Variants in LPCAT1 observed in about 807,000 individuals in gnomAD.
LPCAT1 encodes the protein 1-acylglycerol-3-phosphate O-acyltransferase.
In LPCAT1, 23 loss-of-function variants were observed where a neutral mutation model predicts 60.9. The ratio of observed to expected loss-of-function variants is 0.38; its 90% CI spans 0.27 to 0.53. The LOEUF is 0.53. Ranked by LOEUF, LPCAT1 falls within the 20% of genes least tolerant of loss-of-function variation. LPCAT1 has a pLI of 0.82. For synonymous variants in LPCAT1, 340 were observed against 301.1 expected (o/e 1.13, Z -1.34); for missense variants, 622 against 723.6 (o/e 0.86, Z 1.61).
At chr5:1,501,437 G>A (rs1320960553) in intron 2 of LPCAT1, 24 bp downstream of exon 2, 1 of 1,592,488 alleles carries the variant, frequency 6.3e-7, no homozygotes, top group Non-Finnish European at 8.5e-7. Flanking sequence ...CCCAGGAGGA[G>A]AGCACGGCAC....
chr5:1,514,885 G>A (rs1736458975), intron 1 of LPCAT1, among the ~76,000 whole-genome samples: 4 of 152,208 alleles, frequency 2.6e-5, no homozygotes, highest in African/African-American at 9.7e-5. Flanking sequence ...AGGCCCTCCG[G>A]AGCTGTGGCC....
intron 10 of LPCAT1, among the ~76,000 whole-genome samples, 173 bp downstream of exon 10, chr5:1,474,387 C>T (rs1734813024): frequency 6.6e-6 from 1 of 152,178 alleles, no homozygotes; most frequent in African/African-American, 2.4e-5. Flanking sequence ...CAGCTGATGC[C>T]AGCATTAAGG....
intron 6 of LPCAT1, among the ~76,000 whole-genome samples, chr5:1,482,548 A>T: frequency 5.2e-5 from 1 of 19,404 alleles, no homozygotes; most frequent in Non-Finnish European, 8.9e-5. Context: ...GAGCCAGGGC[A>T]GGGTGGGGTG....
rs1288604353 is a variant in LPCAT1 at position 1,483,492 on chromosome 5, G to A, written c.668-6C>T. 6.2e-6 allele frequency: 10 copies of A among 1,613,710 alleles called. No individual in the cohort carries two copies. The highest frequency in any genetic ancestry group is 4.4e-5 in the South Asian group (4 of 91,090). On this transcript the variant is annotated splice_polypyrimidine_tract_variant and splice_region_variant and intron_variant, in intron 5 of 13. Transcript: ENST00000283415. The surrounding 1 kb of genome is among the most constrained non-coding windows in gnomAD (Gnocchi z 9.2). ...CGCTCCAGGGATGAATGCACCTGCCGAGAAAGGAACAGCGGTGTTGCCCAT... is the reference window on the plus strand; with the variant it reads ...CGCTCCAGGGATGAATGCACCTGCCAAGAAAGGAACAGCGGTGTTGCCCAT...
intron 2 of LPCAT1, 79 bp downstream of exon 2, chr5:1,501,382 C>A: frequency 1.3e-6 from 2 of 1,509,662 alleles, no homozygotes; most frequent in South Asian, 1.2e-5. Context: ...GACACACAAC[C>A]CCACTGTGAG....
rs116088770 is a variant in LPCAT1, at chr5:1,515,894, G to A, written c.135+7816C>T. On this transcript the variant is annotated intron_variant, in intron 1 of 13. Coordinates refer to ENST00000283415, the MANE Select transcript of LPCAT1 (RefSeq NM_024830.5). ...GGAGACCCTCCACCCAGGACATCCTGCTTCCCCCAGCTGCAGGGAGCCCCT... is the reference window on the plus strand; with the variant it reads ...GGAGACCCTCCACCCAGGACATCCTACTTCCCCCAGCTGCAGGGAGCCCCT... Among the ~76,000 whole-genome samples, 623 of 152,072 alleles carry A rather than the reference G, an allele frequency of 4.1e-3. 5 individuals are homozygous for A. Among genetic ancestry groups the A allele is most frequent in the African/African-American group, 0.014 (572 of 41,470 alleles).
At chr5:1,513,408 A>G (rs1736413584) in intron 1 of LPCAT1, among the ~76,000 whole-genome samples, 1 of 152,154 alleles carries the variant, frequency 6.6e-6, no homozygotes, top group African/African-American at 2.4e-5. Flanking sequence ...GGTGACCCCG[A>G]GGGCTCAGCT....
At chr5:1,478,445 C>CT (rs1275999609) in intron 8 of LPCAT1, among the ~76,000 whole-genome samples, 1 of 152,276 alleles carries the variant, frequency 6.6e-6, no homozygotes, top group African/African-American at 2.4e-5. Flanking sequence ...CTTTTCAACT[C>CT]TTAAAATTAG....
chr5:1,493,182 GC>G (rs1253511743), intron 3 of LPCAT1, among the ~76,000 whole-genome samples: 1 of 152,204 alleles, frequency 6.6e-6, no homozygotes, highest in East Asian at 1.9e-4. Flanking sequence ...AGTGCAGTGA[GC>G]CCTCCAGTCC....
chr5:1,489,624 C>G lies in LPCAT1; in HGVS notation c.606+122G>C. 4 of 809,408 alleles carry G rather than the reference C, an allele frequency of 4.9e-6. No homozygotes were observed. The South Asian group carries it at 5.4e-5, about 11-fold the overall frequency. The allele number at this position is 809,408 out of a possible 1,614,324, so 50.1% of individuals were successfully genotyped here. ...GCACCCTCCTGAGTTCACGCACTCA[C>G]TAGGAGAAGAGAATCAGAATCCAGC... On this transcript the variant is annotated intron_variant, in intron 4 of 13. Coordinates refer to ENST00000283415, the MANE Select transcript of LPCAT1 (RefSeq NM_024830.5).
In LPCAT1 at chr5:1,481,753, G is replaced by A. The variant is rs1421891263; in HGVS notation, c.727-777C>T. Among the ~76,000 whole-genome samples the A allele has an allele frequency of 6.6e-6, 1 of 152,266 alleles. No individual in the cohort carries two copies. The highest frequency in any genetic ancestry group is 2.4e-5 in the African/African-American group (1 of 41,472). On this transcript the variant is annotated intron_variant, in intron 6 of 13. Coordinates refer to ENST00000283415, the MANE Select transcript of LPCAT1 (RefSeq NM_024830.5). The surrounding 1 kb of genome is among the most constrained non-coding windows in gnomAD (Gnocchi z 7.8). Reference sequence around the variant, plus strand: ...TGCACTGGGGCATGGTTTCCGCAGCGGAGGCAGGAAGGGGCCCTTGGCCAG... The same window carrying A: ...TGCACTGGGGCATGGTTTCCGCAGCAGAGGCAGGAAGGGGCCCTTGGCCAG...
intron 13 of LPCAT1, among the ~76,000 whole-genome samples, chr5:1,465,007 GCA>G (rs200158307): frequency 0.01 from 1,447 of 139,046 alleles, 28 homozygotes; most frequent in African/African-American, 0.038. Context: ...ACAATAACAT[GCA>G]CACACACAAA....
intron 5 of LPCAT1, among the ~76,000 whole-genome samples, chr5:1,484,950 G>A (rs1007157255): frequency 6.6e-5 from 10 of 152,296 alleles, no homozygotes; most frequent in East Asian, 5.8e-4. Flanking sequence ...GGCGGAGGAC[G>A]GCAGGGCTGG....
Position 1,463,714 on chromosome 5 carries a change from A to G in LPCAT1, c.1542T>C (p.Cys514=), listed in dbSNP as rs1033048913. 7 of 1,614,118 alleles carry G rather than the reference A, an allele frequency of 4.3e-6. No individual in the cohort carries two copies. Among genetic ancestry groups the G allele is most frequent in the Admixed American group, 1.7e-5 (1 of 60,014 alleles). ...TSPAPIPNGF[C]ADFSPENSDA... ...CTGAGTTTTCCGGGCTGAAATCGGC[A>G]CAGAAGCCGTTTGGGATTGGCGCAG... is the stretch of plus-strand genomic sequence containing the variant. The change falls in exon 14 of 14, where the codon TGT becomes TGC. Residue 514 remains cysteine (C), a synonymous_variant. Transcript: ENST00000283415.
In LPCAT1 at chr5:1,488,394, G is replaced by A. The variant is rs1735449458; in HGVS notation, c.664C>T (p.Pro222Ser). The A allele has an allele frequency of 6.3e-7, 1 of 1,576,446 alleles. No homozygotes were observed. The highest frequency in any genetic ancestry group is 8.6e-7 in the Non-Finnish European group (1 of 1,159,812). The change falls in exon 5 of 14, where the codon CCT becomes TCT. Residue 222 changes from proline (P) to serine (S), a missense_variant. Around this residue, in one of 3 missense-constraint regions of LPCAT1, gnomAD observed 209 missense variants for 325.5 expected, o/e 0.64. Transcript: ENST00000283415. Reference protein sequence around the residue: ...TNRTCLITFKPGAFIPGAPVQ... With the variant: ...TNRTCLITFKSGAFIPGAPVQ... ...AACATTTAAGAAAACTACATACCAG[G>A]TTTGAAGGTAATTAGGCAGGTCCTG... is the stretch of plus-strand genomic sequence containing the variant.
At chr5:1,515,706 A>T (rs552128456) in intron 1 of LPCAT1, among the ~76,000 whole-genome samples, 1 of 150,580 alleles carries the variant, frequency 6.6e-6, no homozygotes, top group African/African-American at 2.4e-5. Flanking sequence ...TGCCCTGTAC[A>T]CCCTGCTCCA....
intron 13 of LPCAT1, among the ~76,000 whole-genome samples, chr5:1,464,901 TAACTA>T (rs1400958215): frequency 1.2e-5 from 1 of 83,328 alleles, no homozygotes; most frequent in African/African-American, 3.8e-5. Flanking sequence ...ACACACACAC[TAACTA>T]AACACACATG....
In LPCAT1 at chr5:1,481,102, G is replaced by T. The variant is rs375320424; in HGVS notation, c.727-126C>A. The T allele has an allele frequency of 3.3e-5, 39 of 1,191,070 alleles. No individual in the cohort carries two copies. The East Asian group carries it at 6.3e-4, about 19-fold the overall frequency. 73.8% of individuals were successfully genotyped at this position (1,191,070 alleles called of 1,614,324 possible). On this transcript the variant is annotated intron_variant, in intron 6 of 13. Coordinates refer to ENST00000283415, the MANE Select transcript of LPCAT1 (RefSeq NM_024830.5). This position sits in a 1 kb window ranked among gnomAD's most constrained non-coding sequence, Gnocchi z 7.8. ...AGAGGCGCTGCAGCCAGGGGGAAGG[G>T]AGGAGGGTGCTAGAGCTCCAGCTTC...
intron 8 of LPCAT1, among the ~76,000 whole-genome samples, chr5:1,478,580 T>G (rs1320210010): frequency 6.6e-6 from 1 of 152,234 alleles, no homozygotes; most frequent in African/African-American, 2.4e-5. Flanking sequence ...AGCCACATAA[T>G]CCTGCTGGGT....
Sources: allele counts gnomAD v4.1 joint callset (sites outside exome capture counted in the v4.1 genomes callset), GRCh38; gene constraint gnomAD v4.1.1; regional missense constraint gnomAD v4.1.1; non-coding constraint Gnocchi (gnomAD v3.1); transcripts MANE v1.5; gene names NCBI Gene and HGNC (gene_info 2026-07-23, HGNC 2026-07-21).